The following PRKD1 variants were observed in gnomAD, a reference collection of about 807,000 sequenced individuals.
PRKD1 encodes the protein protein kinase D1.
PRKD1 carries 63 observed loss-of-function variants against 95.9 expected under a neutral mutation model. The ratio of observed to expected loss-of-function variants is 0.66; its 90% CI spans 0.54 to 0.81. The LOEUF (loss-of-function observed/expected upper bound fraction) is 0.81, where lower values mean the gene tolerates loss of function less well. Among genes scored for constraint, PRKD1 ranks in the 30% least tolerant of loss-of-function variants. The probability of loss-of-function intolerance (pLI) is 0.00; values close to 1 mark genes in which losing one functional copy is unlikely to be tolerated. For missense variants in PRKD1, 1,048 were observed against 1,165.3 expected, an observed-to-expected ratio of 0.90 and a Z score of 1.47; for synonymous variants, 425 against 423.1, an observed-to-expected ratio of 1.00 and a Z score of -0.05.
intron 4 of PRKD1, among the ~76,000 whole-genome samples, chr14:29,650,060 A>T (rs1478382794): frequency 6.6e-6 from 1 of 151,604 alleles, no homozygotes; most frequent in Non-Finnish European, 1.5e-5. Flanking sequence ...CACTCTCGCC[A>T]CTTCCAGTTT....
intron 4 of PRKD1, among the ~76,000 whole-genome samples, chr14:29,646,014 T>G (rs1881099619): frequency 6.6e-6 from 1 of 152,182 alleles, no homozygotes; most frequent in African/African-American, 2.4e-5. Context: ...ATCTTTATTA[T>G]TTTGTTCATC....
In PRKD1 at chr14:29,666,195, A is replaced by G; in HGVS notation, c.417T>C (p.Phe139=). 6.3e-7 allele frequency: 1 copy of G among 1,594,002 alleles called. No individual in the cohort carries two copies. Among genetic ancestry groups the G allele is most frequent in the Non-Finnish European group, 8.6e-7 (1 of 1,166,042 alleles). The change falls in exon 3 of 18, where the codon TTT becomes TTC. Residue 139 remains phenylalanine (F), a synonymous_variant. Transcript: ENST00000331968. ...CGTGGGGACGAATCTGAAAGTCTTCAAAGGTGGCGGAAGCTGTAAAAATAG... is the reference window on the plus strand; with the variant it reads ...CGTGGGGACGAATCTGAAAGTCTTCGAAGGTGGCGGAAGCTGTAAAAATAG... ...IEVVLSASAT[F]EDFQIRPHAL... is the part of the protein sequence containing the mutation.
At chr14:29,700,659 T>A (rs1284455150) in intron 2 of PRKD1, among the ~76,000 whole-genome samples, 3 of 152,190 alleles carry the variant, frequency 2.0e-5, no homozygotes, top group Non-Finnish European at 4.4e-5. Context: ...TTATTCTAGA[T>A]ATTTCTGTGA....
intron 1 of PRKD1, among the ~76,000 whole-genome samples, chr14:29,854,890 G>GT (rs2139346158): frequency 6.6e-6 from 1 of 152,352 alleles, no homozygotes; most frequent in East Asian, 1.9e-4. Context: ...GCTTCAGAGG[G>GT]TTGAAGCCCC....
intron 16 of PRKD1, among the ~76,000 whole-genome samples, chr14:29,590,370 A>G (rs1893084785): frequency 6.6e-6 from 1 of 152,170 alleles, no homozygotes; most frequent in Non-Finnish European, 1.5e-5. Context: ...AGGATCTTAG[A>G]TAATCTATGT....
At chr14:29,896,970 G>C (rs73243921) in intron 1 of PRKD1, among the ~76,000 whole-genome samples, 5,030 of 151,660 alleles carry the variant, frequency 0.033, 287 homozygotes, top group African/African-American at 0.11. Context: ...CTGCTTTCTT[G>C]TATTTATCTA....
chr14:29,584,109 G>A (rs987833645), intron 16 of PRKD1, among the ~76,000 whole-genome samples: 1 of 152,176 alleles, frequency 6.6e-6, no homozygotes, highest in Non-Finnish European at 1.5e-5. Flanking sequence ...GTATATGCGG[G>A]TGCAGAGGGC....
At chr14:29,723,670 C>CGT (rs58797570) in intron 2 of PRKD1, among the ~76,000 whole-genome samples, 67,417 of 149,436 alleles carry the variant, frequency 0.45, 15,253 homozygotes, top group East Asian at 0.67. Context: ...ATTGAGTGTG[C>CGT]GTGTGTGTGT....
intron 2 of PRKD1, among the ~76,000 whole-genome samples, chr14:29,703,726 T>C (rs531208949): frequency 2.0e-5 from 3 of 152,282 alleles, no homozygotes; most frequent in African/African-American, 7.2e-5. Flanking sequence ...GAATATATCT[T>C]TGGGGTGACA....
chr14:29,830,476 A>T (rs1891358981), intron 1 of PRKD1, among the ~76,000 whole-genome samples: 1 of 152,072 alleles, frequency 6.6e-6, no homozygotes. Context: ...TCTACCCAGG[A>T]TGTACTCTGT....
At chr14:29,725,132 G>A (rs982042971) in intron 2 of PRKD1, among the ~76,000 whole-genome samples, 5 of 152,148 alleles carry the variant, frequency 3.3e-5, no homozygotes, top group Non-Finnish European at 5.9e-5. Flanking sequence ...GTAAGTCAAA[G>A]GCTTCTTAGC....
Position 29,713,108 on chromosome 14 carries a change from G to A in PRKD1, c.403+12428C>T, listed in dbSNP as rs373876780. Among the ~76,000 whole-genome samples, 6 of 151,962 alleles carry A rather than the reference G, an allele frequency of 3.9e-5. No homozygotes were observed. In the East Asian group the frequency reaches 5.8e-4, roughly 15 times the overall value. The stretch of plus-strand genomic sequence containing the variant: ...CTTTTCTCCTCTAGGATCTTTTGTC[G>A]TGTGTGTCTGTGTGTATACAGAGAA... On this transcript the variant is annotated intron_variant, in intron 2 of 17. Transcript: ENST00000331968.
chr14:29,682,858 G>T (rs751202921), intron 2 of PRKD1, among the ~76,000 whole-genome samples: 1 of 152,150 alleles, frequency 6.6e-6, no homozygotes, highest in Non-Finnish European at 1.5e-5. Context: ...AGAAAGACAT[G>T]CCCAGAGTCA....
At chr14:29,883,196 G>C (rs1893576445) in intron 1 of PRKD1, among the ~76,000 whole-genome samples, 1 of 152,076 alleles carries the variant, frequency 6.6e-6, no homozygotes, top group South Asian at 2.1e-4. Flanking sequence ...ATTCATTATT[G>C]CAAGAACAGC....
chr14:29,865,166 A>G (rs1892846690), intron 1 of PRKD1, among the ~76,000 whole-genome samples: 1 of 152,208 alleles, frequency 6.6e-6, no homozygotes, highest in South Asian at 2.1e-4. Context: ...GTGCCAAAGA[A>G]TCACAGGATC....
At chr14:29,824,684 A>G (rs1891042384) in intron 1 of PRKD1, among the ~76,000 whole-genome samples, 1 of 152,160 alleles carries the variant, frequency 6.6e-6, no homozygotes, top group South Asian at 2.1e-4. Flanking sequence ...CAGGAAATTC[A>G]CTCACTATAC....
intron 1 of PRKD1, among the ~76,000 whole-genome samples, chr14:29,910,755 C>G (rs180735322): frequency 6.6e-6 from 1 of 152,086 alleles, no homozygotes; most frequent in Non-Finnish European, 1.5e-5. Context: ...ACACGATTCC[C>G]CCTTTCTTGA....
At chr14:29,800,643 G>T (rs1334736738) in intron 1 of PRKD1, among the ~76,000 whole-genome samples, 1 of 152,032 alleles carries the variant, frequency 6.6e-6, no homozygotes, top group Non-Finnish European at 1.5e-5. Flanking sequence ...GAACACTACA[G>T]ACTCTACACA....
intron 16 of PRKD1, among the ~76,000 whole-genome samples, chr14:29,584,939 C>T (rs1892867145): frequency 6.6e-6 from 1 of 152,178 alleles, no homozygotes; most frequent in Admixed American, 6.5e-5. Context: ...CCCCCGACTT[C>T]TCTCCACCCC....
Sources: gnomAD v4.1 joint callset for allele counts (sites outside exome capture counted in the v4.1 genomes callset) on GRCh38, gnomAD v4.1.1 for gene constraint, MANE v1.5 for transcripts, NCBI Gene and HGNC (gene_info 2026-07-23, HGNC 2026-07-21) for gene names.